The following CAPN2 variants were observed in gnomAD, a reference collection of about 807,000 sequenced individuals.
CAPN2 encodes the protein calpain-2 catalytic subunit.
A neutral mutation model predicts 102.3 loss-of-function variants in CAPN2; 92 were observed. The observed-to-expected ratio is 0.90, with a 90% CI of 0.76 to 1.07. CAPN2 has a LOEUF of 1.07. Among genes scored for constraint, CAPN2 ranks in the 50% least tolerant of loss-of-function variants. The probability of loss-of-function intolerance (pLI) is 0.00; values close to 1 mark genes in which losing one functional copy is unlikely to be tolerated. For missense variants in CAPN2, 800 were observed against 909.4 expected (o/e 0.88, Z 1.55); for synonymous variants, 340 against 355.4 (o/e 0.96, Z 0.49).
chr1:223,761,517 G>A, intron 12 of CAPN2, 64 bp from the exon 13 acceptor site: 1 of 1,409,454 alleles, frequency 7.1e-7, no homozygotes, highest in Non-Finnish European at 1.0e-6. Context: ...CATTTTAGCA[G>A]TGATTTCCTT....
At chr1:223,708,765 AGAAAGAAAGAGC>A (rs1246730104), upstream of CAPN2, among the ~76,000 whole-genome samples, 1 of 151,704 alleles carries the variant, frequency 6.6e-6, no homozygotes, top group Non-Finnish European at 1.5e-5. Flanking sequence ...GAGTGAAACA[AGAAAGAAAGAGC>A]GAAAGAGAGA....
intron 16 of CAPN2, among the ~76,000 whole-genome samples, chr1:223,769,338 G>C (rs1222147): frequency 0.31 from 47,125 of 151,842 alleles, 10,729 homozygotes; most frequent in African/African-American, 0.64. Flanking sequence ...CCAGGCTGGT[G>C]TCGAATTCCT....
At chr1:223,722,704 A>G (rs938888504) in intron 2 of CAPN2, among the ~76,000 whole-genome samples, 2 of 152,148 alleles carry the variant, frequency 1.3e-5, no homozygotes, top group Non-Finnish European at 2.9e-5. Flanking sequence ...TGAGATGATA[A>G]TACAGGAAGT....
intron 1 of CAPN2, among the ~76,000 whole-genome samples, chr1:223,707,234 T>C (rs1193825883): frequency 7.2e-6 from 1 of 139,462 alleles, no homozygotes; most frequent in African/African-American, 2.8e-5. Context: ...TATTCTCTTA[T>C]TTTCTCTCTC....
At chr1:223,715,237 A>G (rs1659846569) in intron 1 of CAPN2, among the ~76,000 whole-genome samples, 1 of 152,248 alleles carries the variant, frequency 6.6e-6, no homozygotes, top group Admixed American at 6.5e-5. Context: ...AGGTGAGAGT[A>G]GAAGCCAGAT....
chr1:223,772,308 T>C, intron 20 of CAPN2, 69 bp downstream of exon 20: 2 of 1,342,946 alleles, frequency 1.5e-6, no homozygotes, highest in Middle Eastern at 4.2e-4. Flanking sequence ...GGCTGTTACT[T>C]GAGTGATCTG....
chr1:223,769,584 G>A (rs1004062226), intron 16 of CAPN2, among the ~76,000 whole-genome samples: 4 of 152,112 alleles, frequency 2.6e-5, no homozygotes, highest in African/African-American at 7.2e-5. Flanking sequence ...CTCATTTTTA[G>A]TAGTATCTGG....
Position 223,764,191 on chromosome 1 carries a change from A to G in CAPN2, c.1674A>G (p.Arg558=). ...CCTTTGAGCTGCAGACCATCCTGAG[A>G]AGGGTTCTAGCAAAGCGTGAGTATC... is the stretch of plus-strand genomic sequence containing the variant. ...ISAFELQTIL[R]RVLAKRQDIK... is the part of the protein sequence containing the mutation. Residue 558 remains arginine (R), a synonymous_variant, in exon 15 of 21, where the codon AGA becomes AGG. Transcript: ENST00000295006. 1.2e-6 allele frequency: 2 copies of G among 1,613,936 alleles called. No homozygotes were observed. The highest frequency in any genetic ancestry group is 1.7e-6 in the Non-Finnish European group (2 of 1,179,824).
chr1:223,744,524 G>A (rs532390596), intron 3 of CAPN2, among the ~76,000 whole-genome samples: 24 of 152,044 alleles, frequency 1.6e-4, no homozygotes, highest in Non-Finnish European at 2.8e-4. Flanking sequence ...AGACAAAAAC[G>A]TTGAAGTTCT....
intron 6 of CAPN2, 97 bp from the exon 7 acceptor site, chr1:223,750,768 TCCTCCCCACCGTCCTCAGCCCCATA>T (rs1352273231): frequency 2.0e-5 from 17 of 863,896 alleles, no homozygotes; most frequent in Non-Finnish European, 3.2e-5. Context: ...AACCCCCAAA[TCCTCCCCACCGTCCTCAGCCCCATA>T]CCTCCTGGCT....
At chr1:223,767,977 A>G (rs1313751797) in intron 16 of CAPN2, among the ~76,000 whole-genome samples, 1 of 149,686 alleles carries the variant, frequency 6.7e-6, no homozygotes, top group East Asian at 2.0e-4. Context: ...TTTTGGCTGC[A>G]TAAATGTCTT....
Position 223,754,866 on chromosome 1 carries a change from C to T in CAPN2, c.1136-614C>T, listed in dbSNP as rs530876244. Among the ~76,000 whole-genome samples, 35 of 152,188 alleles carry T rather than the reference C, an allele frequency of 2.3e-4. No homozygotes were observed. Among genetic ancestry groups the T allele is most frequent in the Middle Eastern group, 3.4e-3 (1 of 294 alleles). On this transcript the variant is annotated intron_variant, in intron 9 of 20. Transcript: ENST00000295006. This position sits in a 1 kb window ranked among gnomAD's most constrained non-coding sequence, Gnocchi z 4.7. ...AGATCCCGGAGTCCCCCAGGCCAGC[C>T]GAGCCCCGCCCCAGGCTCCCCATCA...
chr1:223,741,703 C>A (rs1303995219), intron 2 of CAPN2, among the ~76,000 whole-genome samples: 1 of 152,100 alleles, frequency 6.6e-6, no homozygotes, highest in Non-Finnish European at 1.5e-5. Flanking sequence ...TATCTGCCCG[C>A]CTTGGCCTCC....
chr1:223,745,963 C>CA (rs909196950), intron 4 of CAPN2, among the ~76,000 whole-genome samples: 2 of 152,204 alleles, frequency 1.3e-5, no homozygotes, highest in African/African-American at 4.8e-5. Flanking sequence ...ATGGCTTCCC[C>CA]ATCTCCGCAC....
rs1661604882 is a variant in CAPN2, at chr1:223,775,778, C to G, written c.*921C>G. 1 of 152,530 alleles carries G rather than the reference C, an allele frequency of 6.6e-6. No individual in the cohort carries two copies. The highest frequency in any genetic ancestry group is 2.4e-5 in the African/African-American group (1 of 41,426). 9.4% of individuals were successfully genotyped at this position (152,530 alleles called of 1,614,324 possible). ...GCTAGCAACATTATAGAAATTTTGC[C>G]TTGTTGCCTTATCTTCTTCCAAATG... On this transcript the variant is annotated 3_prime_UTR_variant, in exon 21 of 21. Coordinates refer to ENST00000295006, the MANE Select transcript of CAPN2 (RefSeq NM_001748.5).
At chr1:223,763,721 T>G (rs1043097213) in intron 14 of CAPN2, among the ~76,000 whole-genome samples, 4 of 152,190 alleles carry the variant, frequency 2.6e-5, no homozygotes, top group Non-Finnish European at 4.4e-5. Context: ...ATTTATTATT[T>G]ATATTCTCTA....
intron 12 of CAPN2, among the ~76,000 whole-genome samples, chr1:223,760,758 C>A (rs554638579): frequency 6.6e-6 from 1 of 152,340 alleles, no homozygotes; most frequent in South Asian, 2.1e-4. Context: ...CTCCCTACCC[C>A]AAGAGGACAC....
intron 1 of CAPN2, among the ~76,000 whole-genome samples, chr1:223,703,111 GC>G (rs1230804458): frequency 2.6e-5 from 4 of 152,120 alleles, no homozygotes; most frequent in Non-Finnish European, 5.9e-5. Flanking sequence ...AAACCACATT[GC>G]CCCTGTCTAG....
chr1:223,709,661 C>CAAAA (rs779362608), upstream of CAPN2, among the ~76,000 whole-genome samples: 65 of 137,850 alleles, frequency 4.7e-4, no homozygotes, highest in African/African-American at 8.8e-4. Flanking sequence ...AACTCCATCT[C>CAAAA]AAAAAAAAAA....
Sources: gnomAD v4.1 joint callset for allele counts (sites outside exome capture counted in the v4.1 genomes callset) on GRCh38, gnomAD v4.1.1 for gene constraint, Gnocchi (gnomAD v3.1) non-coding constraint, MANE v1.5 for transcripts, NCBI Gene and HGNC (gene_info 2026-07-23, HGNC 2026-07-21) for gene names.